C10orf105: variants seen among roughly 807,000 people sequenced by gnomAD.
C10orf105 encodes the protein uncharacterized protein C10orf105.
A neutral mutation model predicts 0.6 loss-of-function variants in C10orf105; 2 were observed. The observed-to-expected ratio is 3.18, with a 90% confidence interval of 1.30 to 10.01. C10orf105 has a LOEUF of 10.01. Ranked by LOEUF, C10orf105 falls within the 30% of genes most tolerant of loss-of-function variation. The pLI is 0.04. For missense variants in C10orf105, 209 were observed against 191.4 expected (o/e 1.09, Z -0.54); for synonymous variants, 95 against 82.4 (o/e 1.15, Z -0.83).
At chr10:71,717,801 G>A (rs1407422669) in intron 1 of C10orf105, 1 of 152,242 alleles carries the variant, frequency 6.6e-6, no homozygotes, top group Non-Finnish European at 1.5e-5. Flanking sequence ...AAACATTCTA[G>A]ACGTTTAAAT....
chr10:71,729,773 C>G (rs1028657774), intron 1 of C10orf105, among the ~76,000 whole-genome samples: 29 of 152,072 alleles, frequency 1.9e-4, no homozygotes, highest in African/African-American at 6.5e-4. Flanking sequence ...TTTGCAGGCC[C>G]TGGCTCATTT....
rs901261092 is a variant in C10orf105 at position 71,728,608 on chromosome 10, C to G, written c.-6+9120G>C. 8.5e-5 allele frequency among the ~76,000 whole-genome samples: 13 copies of G among 152,218 alleles called. No individual in the cohort carries two copies. In the East Asian group the frequency reaches 2.5e-3, roughly 29 times the overall value. On this transcript the variant is annotated intron_variant, in intron 1 of 1. Transcript: ENST00000398786. ...CTGCTGCACATGCAGAGGCCCCTCC[C>G]TTAGTGCTGGTCACCACATGCAAAG...
chr10:71,729,050 G>A (rs1409932760), intron 1 of C10orf105, among the ~76,000 whole-genome samples: 1 of 152,110 alleles, frequency 6.6e-6, no homozygotes, highest in Non-Finnish European at 1.5e-5. Flanking sequence ...GCCCAGGCTG[G>A]TCTCGAATGC....
intron 1 of C10orf105, chr10:71,734,358 TGA>T (rs1839492201): frequency 6.3e-7 from 1 of 1,593,338 alleles, no homozygotes; most frequent in East Asian, 2.3e-5. Flanking sequence ...GGGACCAGGG[TGA>T]GAGTCCCTCA....
chr10:71,721,615 G>T (rs993646354), upstream of C10orf105, among the ~76,000 whole-genome samples: 2 of 152,184 alleles, frequency 1.3e-5, no homozygotes, highest in Non-Finnish European at 2.9e-5. Context: ...TTTTGCTCCA[G>T]TGTACTCGTC....
intron 1 of C10orf105, among the ~76,000 whole-genome samples, chr10:71,724,969 A>G (rs1158778585): frequency 1.3e-5 from 2 of 152,174 alleles, no homozygotes; most frequent in African/African-American, 4.8e-5. Flanking sequence ...TCAACCACCC[A>G]TGGAGAATTT....
chr10:71,724,176 C>A, upstream of C10orf105: 1 of 1,510,218 alleles, frequency 6.6e-7, no homozygotes, highest in Non-Finnish European at 9.0e-7. Context: ...TCTAGGCTGC[C>A]AAAGGTCTGG....
intron 1 of C10orf105, chr10:71,732,741 G>GTTTTTC: frequency 8.8e-7 from 1 of 1,137,728 alleles, no homozygotes; most frequent in Non-Finnish European, 1.1e-6. Context: ...GTATCCTTCT[G>GTTTTTC]TTTTTCCTTC....
At chr10:71,728,801 T>C (rs1046780240) in intron 1 of C10orf105, among the ~76,000 whole-genome samples, 12 of 152,150 alleles carry the variant, frequency 7.9e-5, no homozygotes, top group Admixed American at 5.9e-4. Flanking sequence ...ACTCCTGGGC[T>C]CCAGCAATCC....
At chr10:71,737,730 G>A (rs1839607078) in exon 1 of C10orf105, 2 of 470,816 alleles carry the variant, frequency 4.2e-6, no homozygotes, top group African/African-American at 2.0e-5. Flanking sequence ...CTGGGTACCT[G>A]TGATTCCAGC....
Position 71,730,620 on chromosome 10 carries a change from G to A in C10orf105, c.-6+7108C>T, listed in dbSNP as rs750133133. On this transcript the variant is annotated intron_variant, in intron 1 of 1. Coordinates refer to the C10orf105 transcript ENST00000398786. ...CGAGACTCTGGTGAGGCTGGCAGGAGGAAGCCGGGGATCCCATTGCTCAGA... is the reference window on the plus strand; with the variant it reads ...CGAGACTCTGGTGAGGCTGGCAGGAAGAAGCCGGGGATCCCATTGCTCAGA... 5.0e-6 allele frequency: 8 copies of A among 1,613,146 alleles called. No homozygotes were observed. The East Asian group carries it at 1.8e-4, about 36-fold the overall frequency.
At chr10:71,733,362 T>G in intron 1 of C10orf105, among the ~76,000 whole-genome samples, 1 of 152,120 alleles carries the variant, frequency 6.6e-6, no homozygotes, top group East Asian at 1.9e-4. Context: ...CTTCATCACA[T>G]AGGTACGATC....
rs76977401 is a variant in C10orf105, at chr10:71,735,373, G to A, written c.-6+2355C>T. On this transcript the variant is annotated intron_variant, in intron 1 of 1. Coordinates refer to the C10orf105 transcript ENST00000398786. ...ACTGAGGTCAGAAGAGCCAGACAAC[G>A]TTCCTAGAAGAGGCGGCCCGGCCTG... is the stretch of plus-strand genomic sequence containing the variant. Among the ~76,000 whole-genome samples the A allele has an allele frequency of 7.4e-3, 1,123 of 152,298 alleles. 16 individuals carry two copies. Among genetic ancestry groups the A allele is most frequent in the African/African-American group, 0.026 (1,087 of 41,566 alleles).
chr10:71,715,774 GA>G lies in C10orf105; in HGVS notation c.*161del. On this transcript the variant is annotated 3_prime_UTR_variant, in exon 2 of 2. Coordinates refer to ENST00000441508, the MANE Select transcript of C10orf105 (RefSeq NM_001164375.3). ...GTGCTCTTCTGAGGATCATCTTTGG[GA>G]AAGGGCGCTGGCCTGGGCATGCAAG... 1.7e-6 allele frequency: 1 copy of G among 588,036 alleles called. No homozygotes were observed. Among genetic ancestry groups the G allele is most frequent in the Non-Finnish European group, 2.8e-6 (1 of 361,904 alleles). The allele number at this position is 588,036 out of a possible 1,614,324, so 36.4% of individuals were successfully genotyped here.
chr10:71,734,653 C>A, intron 1 of C10orf105: 1 of 1,470,034 alleles, frequency 6.8e-7, no homozygotes, highest in Non-Finnish European at 9.2e-7. Flanking sequence ...CCTCTGCCTA[C>A]AGAAGGTGAG....
Position 71,725,607 on chromosome 10 carries a change from G to GT in C10orf105, c.-5-9266dup, listed in dbSNP as rs973364418. On this transcript the variant is annotated intron_variant, in intron 1 of 1. Coordinates refer to the C10orf105 transcript ENST00000398786. ...AGAGAAGGCCATTAGTTGGCGCCTG[G>GT]TGTGGGCAGGGCCACCACTGATTTA... 36 of 1,440,516 alleles carry GT rather than the reference G, an allele frequency of 2.5e-5. No individual in the cohort carries two copies. In the African/African-American group the frequency reaches 4.8e-4, roughly 19 times the overall value. The allele number at this position is 1,440,516 out of a possible 1,614,324, so 89.2% of individuals were successfully genotyped here.
Position 71,713,211 on chromosome 10 carries a change from G to A in C10orf105, c.*2725C>T, listed in dbSNP as rs753237116. 2.1e-5 allele frequency: 16 copies of A among 779,056 alleles called. No individual in the cohort carries two copies. Among genetic ancestry groups the A allele is most frequent in the Non-Finnish European group, 3.4e-5 (14 of 417,744 alleles). The allele number at this position is 779,056 out of a possible 1,614,324, so 48.3% of individuals were successfully genotyped here. On this transcript the variant is annotated 3_prime_UTR_variant, in exon 2 of 2. Transcript: ENST00000441508. ...AGCTGCTTTCACAGAGCCCTTGGCC[G>A]AGGCTCCCCTCTTGGGAAGTAAACA... is the stretch of plus-strand genomic sequence containing the variant.
At chr10:71,724,024 T>C, upstream of C10orf105, 9 of 1,554,040 alleles carry the variant, frequency 5.8e-6, no homozygotes, top group Non-Finnish European at 7.8e-6. Context: ...AAGAAGTAAC[T>C]CGTGTCTCAT....
Position 71,712,635 on chromosome 10 carries a change from C to G in C10orf105, c.*3301G>C, listed in dbSNP as rs559511241. The G allele has an allele frequency of 1.2e-6, 2 of 1,610,948 alleles. No homozygotes were observed. The highest frequency in any genetic ancestry group is 2.7e-5 in the African/African-American group (2 of 75,028). ...AGTGTGCCCCTCTCTCAGGCAGCTG[C>G]TAACACCTGTCTTCCTTCAACTCCC... On this transcript the variant is annotated 3_prime_UTR_variant, in exon 2 of 2. Transcript: ENST00000441508.
Sources: gnomAD v4.1 joint callset for allele counts (sites outside exome capture counted in the v4.1 genomes callset) on GRCh38, gnomAD v4.1.1 for gene constraint, MANE v1.5 for transcripts, NCBI Gene and HGNC (gene_info 2026-07-23, HGNC 2026-07-21) for gene names.